The following SPATS1 variants were observed in gnomAD, a reference collection of about 807,000 sequenced individuals.
SPATS1 encodes the protein spermatogenesis associated serine rich 1.
Under a neutral mutation model 33.6 loss-of-function variants are expected in SPATS1, and 23 were observed. The observed-to-expected ratio is 0.68, with a 90% CI of 0.49 to 0.97. SPATS1 has a LOEUF of 0.97. Among genes scored for constraint, SPATS1 ranks in the 50% least tolerant of loss-of-function variants. The probability of loss-of-function intolerance (pLI) is 0.00; values close to 1 mark genes in which losing one functional copy is unlikely to be tolerated. For synonymous variants in SPATS1, 131 were observed against 125.6 expected (o/e 1.04, Z -0.29); for missense variants, 327 against 361.0 (o/e 0.91, Z 0.76).
At chr6:44,373,436 C>A (rs1789746261) in intron 7 of SPATS1, among the ~76,000 whole-genome samples, 1 of 152,170 alleles carries the variant, frequency 6.6e-6, no homozygotes, top group Non-Finnish European at 1.5e-5. Flanking sequence ...CTGATCCCCG[C>A]TACTTCATTA....
At chr6:44,363,135 C>T (rs1359187398) in intron 5 of SPATS1, among the ~76,000 whole-genome samples, 1 of 110,010 alleles carries the variant, frequency 9.1e-6, no homozygotes, top group Non-Finnish European at 2.2e-5. Flanking sequence ...CCGTGCCCAG[C>T]ACTTTTTTTT....
chr6:44,377,116 C>G lies in SPATS1; in HGVS notation c.*53C>G. The G allele has an allele frequency of 6.2e-7, 1 of 1,607,208 alleles. No homozygotes were observed. Among genetic ancestry groups the G allele is most frequent in the Non-Finnish European group, 8.5e-7 (1 of 1,173,704 alleles). ...TGACTGCACTCTGGCGACCCTTTTC[C>G]AGTTGATGTTTTTTGTCATGTGACT... On this transcript the variant is annotated 3_prime_UTR_variant, in exon 9 of 9. Transcript: ENST00000674044.
At chr6:44,369,117 T>G (rs112338982) in intron 6 of SPATS1, among the ~76,000 whole-genome samples, 1 of 152,022 alleles carries the variant, frequency 6.6e-6, no homozygotes, top group Non-Finnish European at 1.5e-5. Context: ...AGGATGGTCT[T>G]GATCTCCTGA....
At chr6:44,361,364 C>G (rs1031833820) in intron 4 of SPATS1, 3 of 985,274 alleles carry the variant, frequency 3.0e-6, no homozygotes, top group African/African-American at 3.5e-5. Flanking sequence ...CCGGTGTCAC[C>G]GTAGCACATG....
At chr6:44,361,646 C>G in intron 4 of SPATS1, 185 bp from the exon 5 acceptor site, 1 of 748,692 alleles carries the variant, frequency 1.3e-6, no homozygotes, top group Non-Finnish European at 1.6e-6. Flanking sequence ...CCCCTGACTT[C>G]CCTTCCTTTT....
chr6:44,369,420 G>C (rs1409768472), intron 6 of SPATS1, among the ~76,000 whole-genome samples: 1 of 151,774 alleles, frequency 6.6e-6, no homozygotes, highest in African/African-American at 2.4e-5. Flanking sequence ...CACGGTGGCA[G>C]ATGCTTGTAA....
In SPATS1 at chr6:44,366,528, A is replaced by G. The variant is rs560437783; in HGVS notation, c.575-1851A>G. ...TGGGAACTATTAGAGATCTTCTGAA[A>G]CAGAATTTCTTGGGTTAAAGGCTGC... On this transcript the variant is annotated intron_variant, in intron 5 of 8. Transcript: ENST00000674044. Among the ~76,000 whole-genome samples, 10 of 152,366 alleles carry G rather than the reference A, an allele frequency of 6.6e-5. 1 individual carries two copies. In the South Asian group the frequency reaches 2.1e-3, roughly 32 times the overall value.
At chr6:44,371,391 A>G (rs1299195590) in intron 7 of SPATS1, among the ~76,000 whole-genome samples, 3 of 152,082 alleles carry the variant, frequency 2.0e-5, no homozygotes, top group Admixed American at 6.6e-5. Context: ...CCCTTTCCTC[A>G]GGGACAGTCA....
chr6:44,364,649 G>T (rs1789128722), intron 5 of SPATS1, among the ~76,000 whole-genome samples: 1 of 151,994 alleles, frequency 6.6e-6, no homozygotes, highest in Admixed American at 6.6e-5. Flanking sequence ...TGATCTCACT[G>T]CAGCACTTGA....
chr6:44,361,424 ATGTGG>A (rs1788914682), intron 4 of SPATS1: 1 of 985,422 alleles, frequency 1.0e-6, no homozygotes, highest in South Asian at 4.7e-5. Flanking sequence ...TTGAGGTGCC[ATGTGG>A]ATGGCACTGG....
chr6:44,362,099 A>G, intron 5 of SPATS1, 107 bp downstream of exon 5: 1 of 1,391,044 alleles, frequency 7.2e-7, no homozygotes. Flanking sequence ...TAGAGTCACC[A>G]TGTTCCCCTA....
rs967548741 is a variant in SPATS1, at chr6:44,379,428, A to G, written c.*2365A>G. Among the ~76,000 whole-genome samples, 4 of 151,892 alleles carry G rather than the reference A, an allele frequency of 2.6e-5. No individual in the cohort carries two copies. The highest frequency in any genetic ancestry group is 5.9e-5 in the Non-Finnish European group (4 of 67,972). ...ACATGGAGAAACCCTGTCTCTATTA[A>G]AAACACAAAAAAATTAGCCAGGCAT... On this transcript the variant is annotated 3_prime_UTR_variant, in exon 9 of 9. Transcript: ENST00000674044.
intron 7 of SPATS1, among the ~76,000 whole-genome samples, chr6:44,374,383 T>C (rs570443883): frequency 6.6e-6 from 1 of 152,374 alleles, no homozygotes; most frequent in South Asian, 2.1e-4. Flanking sequence ...CTTTTAGCAT[T>C]ATGAAAGTAT....
rs1190121680 is a variant in SPATS1 at position 44,368,449 on chromosome 6, T to C, written c.645T>C (p.Ser215=). 1 of 1,613,320 alleles carries C rather than the reference T, an allele frequency of 6.2e-7. No individual in the cohort carries two copies. The highest frequency in any genetic ancestry group is 1.3e-5 in the African/African-American group (1 of 74,894). ...ATCCATATATGTACCCAGAACAGAG[T>C]AAAGGCTTCCACAAAGCAGGATCAA... ...GDNPYMYPEQ[S]KGFHKAGSML... is the part of the protein sequence containing the mutation. The change falls in exon 6 of 9, where the codon AGT becomes AGC. Residue 215 remains serine, a synonymous_variant. Transcript: ENST00000674044.
At chr6:44,361,349 A>G (rs1250919206) in intron 4 of SPATS1, 2 of 985,262 alleles carry the variant, frequency 2.0e-6, no homozygotes, top group Non-Finnish European at 2.4e-6. Flanking sequence ...TCACAGGTCC[A>G]TTTCCCGGTG....
In SPATS1 at chr6:44,377,899, T is replaced by C. The variant is rs1489948439; in HGVS notation, c.*836T>C. Reference sequence around the variant, plus strand: ...CTCCTAATACCATCACCTTGGGGATTAGGTTTCGACATATGCATTTTGGGG... The same window carrying C: ...CTCCTAATACCATCACCTTGGGGATCAGGTTTCGACATATGCATTTTGGGG... On this transcript the variant is annotated 3_prime_UTR_variant, in exon 9 of 9. Transcript: ENST00000674044. The C allele has an allele frequency of 6.6e-6, 1 of 152,202 alleles. No individual in the cohort carries two copies. The highest frequency in any genetic ancestry group is 1.5e-5 in the Non-Finnish European group (1 of 68,036). The allele number at this position is 152,202 out of a possible 1,614,324, so 9.4% of individuals were successfully genotyped here. A position where few individuals can be genotyped will look rare whatever the true frequency, so the allele number is the denominator to read the frequency against.
chr6:44,373,555 T>C (rs2153370397), intron 7 of SPATS1, among the ~76,000 whole-genome samples: 1 of 152,352 alleles, frequency 6.6e-6, no homozygotes, highest in South Asian at 2.1e-4. Flanking sequence ...TACTGCTCCA[T>C]TACTGTCATC....
At chr6:44,376,927 G>C in intron 8 of SPATS1, 108 bp from the exon 9 acceptor site, 1 of 1,254,558 alleles carries the variant, frequency 8.0e-7, no homozygotes, top group South Asian at 1.2e-5. Flanking sequence ...TCCCGAGGTG[G>C]TCTCATGGGC....
intron 2 of SPATS1, 51 bp downstream of exon 2, chr6:44,343,285 T>A: frequency 2.0e-6 from 3 of 1,500,344 alleles, no homozygotes; most frequent in Non-Finnish European, 9.0e-7. Flanking sequence ...CATCCAAGTA[T>A]ACTACACCCG....
Sources: allele counts gnomAD v4.1 joint callset (sites outside exome capture counted in the v4.1 genomes callset), GRCh38; gene constraint gnomAD v4.1.1; transcripts MANE v1.5; gene names NCBI Gene and HGNC (gene_info 2026-07-23, HGNC 2026-07-21).